Variants in FHDC1 observed in about 807,000 individuals in gnomAD.
The protein encoded by FHDC1 is FH2 domain-containing protein 1.
FHDC1 carries 25 observed loss-of-function variants against 52.6 expected under a neutral mutation model. That is an observed-to-expected ratio of 0.48 (90% CI 0.35 to 0.66). FHDC1 has a LOEUF of 0.66. Ranked by LOEUF, FHDC1 falls within the 30% of genes least tolerant of loss-of-function variation. FHDC1 has a pLI of 0.01. For missense variants in FHDC1, 1,459 were observed against 1,452.8 expected, an observed-to-expected ratio of 1.00 and a Z score of -0.07; for synonymous variants, 616 against 581.5, an observed-to-expected ratio of 1.06 and a Z score of -0.85.
At chr4:152,959,817 C>G (rs1402984117) in intron 4 of FHDC1, among the ~76,000 whole-genome samples, 3 of 152,070 alleles carry the variant, frequency 2.0e-5, no homozygotes, top group Non-Finnish European at 4.4e-5. Flanking sequence ...TATGTACATC[C>G]TAGTGTACAT....
chr4:152,976,181 T>A lies in FHDC1; in HGVS notation c.2890T>A (p.Ser964Thr). 6.2e-7 allele frequency: 1 copy of A among 1,612,304 alleles called. No homozygotes were observed. The change falls in exon 12 of 12, where the codon TCC becomes ACC. Residue 964 changes from serine (S) to threonine (T), a missense_variant. This residue lies in a region of FHDC1 where 939 missense variants were observed against 854.5 expected (regional missense o/e 1.10). Coordinates refer to ENST00000511601, the MANE Select transcript of FHDC1 (RefSeq NM_001371116.1). ...GAGGCTGCCGCGGGGGAGCAGCGGC[T>A]CCAGCAGCACCCGTCCGGGGAGGGA... ...EQRLPRGSSG[S>T]SSTRPGRDVP...
Position 152,960,854 on chromosome 4 carries a change from C to T in FHDC1, c.850+10C>T, listed in dbSNP as rs1412857568. 3 of 1,536,228 alleles carry T rather than the reference C, an allele frequency of 2.0e-6. No homozygotes were observed. The highest frequency in any genetic ancestry group is 2.6e-6 in the Non-Finnish European group (3 of 1,139,748). On this transcript the variant is annotated intron_variant, in intron 6 of 11. Coordinates refer to ENST00000511601, the MANE Select transcript of FHDC1 (RefSeq NM_001371116.1). The stretch of plus-strand genomic sequence containing the variant: ...AGAACTGCTATAAAAGGTGAGTCAA[C>T]ATATGATCCTTCGCAGAATTTGTTT...
In FHDC1 at chr4:152,976,029, G is replaced by T. The variant is rs1579108714; in HGVS notation, c.2738G>T (p.Arg913Ile). The stretch of plus-strand genomic sequence containing the variant: ...GTCATGCCCATCACCAAGTCCAGCA[G>T]AGGCGCCGGCTGGAGGCGACCAGAG... The part of the protein sequence containing the change: ...RKVMPITKSS[R>I]GAGWRRPELS... Residue 913 changes from arginine (R) to isoleucine (I), a missense_variant, in exon 12 of 12, where the codon AGA (arginine) becomes ATA (isoleucine). This residue lies in a region of FHDC1 where 939 missense variants were observed against 854.5 expected (regional missense o/e 1.10). Transcript: ENST00000511601. The T allele has an allele frequency of 6.4e-7, 1 of 1,561,664 alleles. No homozygotes were observed. The highest frequency in any genetic ancestry group is 8.6e-7 in the Non-Finnish European group (1 of 1,158,418).
At chr4:152,939,289 AGT>A (rs1297008989) in intron 1 of FHDC1, among the ~76,000 whole-genome samples, 1 of 151,574 alleles carries the variant, frequency 6.6e-6, no homozygotes, top group Non-Finnish European at 1.5e-5. Context: ...TGTGTGTTTG[AGT>A]GTGTGTTTAT....
At chr4:152,937,630 C>T (rs1439798263) in intron 1 of FHDC1, among the ~76,000 whole-genome samples, 2 of 151,588 alleles carry the variant, frequency 1.3e-5, no homozygotes, top group Non-Finnish European at 2.9e-5. Context: ...TGGGCGCCCG[C>T]CCCGCAGTCC....
chr4:152,949,170 A>AAGAAGC (rs1165422183), intron 2 of FHDC1, among the ~76,000 whole-genome samples: 1,512 of 141,996 alleles, frequency 0.011, 10 homozygotes, highest in Non-Finnish European at 0.016. Flanking sequence ...GAAGAAGAAG[A>AAGAAGC]AGCAGAAGAA....
rs769206891 is a variant in FHDC1 at position 152,943,326 on chromosome 4, A to G, written c.269A>G (p.His90Arg). ...PPTTHMNGYS[H>R]LGKKKRMRSF... The stretch of plus-strand genomic sequence containing the variant: ...ACTACTCACATGAACGGCTACAGCC[A>G]CCTTGGTAAGAAAAAGCGGATGAGA... The change falls in exon 2 of 12, where the codon CAC becomes CGC. Residue 90 changes from histidine to arginine, a missense_variant. Around this residue, in one of 3 missense-constraint regions of FHDC1, gnomAD observed 513 missense variants for 581.5 expected, o/e 0.88. Transcript: ENST00000511601. 6.9e-7 allele frequency: 1 copy of G among 1,448,650 alleles called. No homozygotes were observed. Among genetic ancestry groups the G allele is most frequent in the South Asian group, 1.1e-5 (1 of 88,752 alleles). 89.7% of individuals were successfully genotyped at this position (1,448,650 alleles called of 1,614,324 possible).
At chr4:152,954,171 C>A in intron 3 of FHDC1, 46 bp from the exon 4 acceptor site, 1 of 1,513,812 alleles carries the variant, frequency 6.6e-7, no homozygotes, top group African/African-American at 1.4e-5. Flanking sequence ...CCTCTGTTGG[C>A]ACTCCAGCAA....
At chr4:152,932,860 A>C (rs1163905154), upstream of FHDC1, among the ~76,000 whole-genome samples, 1 of 152,242 alleles carries the variant, frequency 6.6e-6, no homozygotes, top group Non-Finnish European at 1.5e-5. Context: ...AGATTGAAAT[A>C]CAAAATACTT....
At chr4:152,923,306 G>A in the FHDC1 span, among the ~76,000 whole-genome samples, 3 of 152,264 alleles carry the variant, frequency 2.0e-5, no homozygotes, top group Admixed American at 6.5e-5. Context: ...TACAAGGGAC[G>A]TGAAGGACCT....
chr4:152,926,604 T>A, the FHDC1 span, among the ~76,000 whole-genome samples: 1 of 151,820 alleles, frequency 6.6e-6, no homozygotes, highest in Non-Finnish European at 1.5e-5. Context: ...AAAGGTGGCC[T>A]TGTTATGTAA....
chr4:152,928,000 A>G, the FHDC1 span: 2 of 1,476,418 alleles, frequency 1.4e-6, no homozygotes, highest in South Asian at 2.3e-5. Context: ...AAGAGCCCTC[A>G]TCCTGCAAGT....
chr4:152,963,163 A>C (rs1034199652), intron 8 of FHDC1, 33 bp downstream of exon 8: 1 of 1,573,030 alleles, frequency 6.4e-7, no homozygotes, highest in African/African-American at 1.4e-5. Flanking sequence ...TAGAGAACGC[A>C]TATGAATACC....
Position 152,966,324 on chromosome 4 carries a change from G to A in FHDC1, c.1100+1349G>A, listed in dbSNP as rs535784868. 2.1e-4 allele frequency among the ~76,000 whole-genome samples: 32 copies of A among 152,270 alleles called. No homozygotes were observed. In the South Asian group the frequency reaches 5.8e-3, roughly 28 times the overall value. ...ATATGTGCCGGTGACCAGTGAAGGT[G>A]GAAAACTTTATTGCACAAAGAAACA... On this transcript the variant is annotated intron_variant, in intron 9 of 11. Transcript: ENST00000511601.
intron 9 of FHDC1, among the ~76,000 whole-genome samples, chr4:152,967,117 C>G (rs1005566478): frequency 3.3e-5 from 5 of 151,892 alleles, no homozygotes; most frequent in Non-Finnish European, 5.9e-5. Context: ...GAGACTGTCT[C>G]TTTAAATAAT....
intron 2 of FHDC1, among the ~76,000 whole-genome samples, chr4:152,948,002 T>C (rs1361221595): frequency 1.3e-5 from 2 of 152,236 alleles, no homozygotes; most frequent in Non-Finnish European, 2.9e-5. Flanking sequence ...TAGAACTAGA[T>C]AGAGCATTTC....
chr4:152,964,110 G>T (rs1222595498), intron 8 of FHDC1, among the ~76,000 whole-genome samples: 1 of 152,036 alleles, frequency 6.6e-6, no homozygotes, highest in Admixed American at 6.6e-5. Context: ...TCATCTAATG[G>T]TGAGAGTAGT....
rs775516583 is a variant in FHDC1, at chr4:152,978,195, G to A, written c.*1472G>A. The A allele has an allele frequency of 6.6e-6, 1 of 152,176 alleles. No individual in the cohort carries two copies. The highest frequency in any genetic ancestry group is 2.4e-5 in the African/African-American group (1 of 41,442). 9.4% of individuals were successfully genotyped at this position (152,176 alleles called of 1,614,324 possible). On this transcript the variant is annotated 3_prime_UTR_variant, in exon 12 of 12. Transcript: ENST00000511601. ...TTTCCAATCCCATGTTCCTCCATTC[G>A]TGTGTCTGTTATAAAACTGAGTGAA...
At chr4:152,949,461 C>T (rs1739858270) in intron 2 of FHDC1, among the ~76,000 whole-genome samples, 1 of 152,096 alleles carries the variant, frequency 6.6e-6, no homozygotes. Flanking sequence ...GCCTAGGTGA[C>T]AGAGCAAGAC....
Sources: gnomAD v4.1 joint callset for allele counts (sites outside exome capture counted in the v4.1 genomes callset) on GRCh38, gnomAD v4.1.1 for gene constraint, gnomAD v4.1.1 regional missense constraint, MANE v1.5 for transcripts, NCBI Gene and HGNC (gene_info 2026-07-23, HGNC 2026-07-21) for gene names.